Variants in IL10 observed in about 807,000 individuals in gnomAD.
IL10 encodes the protein interleukin-10.
A neutral mutation model predicts 21.0 loss-of-function variants in IL10; 7 were observed. The ratio of observed to expected loss-of-function variants is 0.33; its 90% CI spans 0.19 to 0.63. IL10 has a LOEUF of 0.63. Ranked by LOEUF, IL10 falls within the 20% of genes least tolerant of loss-of-function variation. The probability of loss-of-function intolerance (pLI) is 0.77; values close to 1 mark genes in which losing one functional copy is unlikely to be tolerated. For missense variants in IL10, 161 were observed against 213.0 expected (o/e 0.76, Z 1.52); for synonymous variants, 83 against 79.7 (o/e 1.04, Z -0.22).
In IL10 at chr1:206,767,674, C is replaced by G. The variant is rs1210063910; in HGVS notation, c.*962G>C. On this transcript the variant is annotated 3_prime_UTR_variant, in exon 5 of 5. Coordinates refer to ENST00000423557, the MANE Select transcript of IL10 (RefSeq NM_000572.3). ...GAAGACAGACAAACAATGTAACATTCCCAGAGGAATTGAATAAATTCTAGT... is the reference window on the plus strand; with the variant it reads ...GAAGACAGACAAACAATGTAACATTGCCAGAGGAATTGAATAAATTCTAGT... The G allele has an allele frequency of 6.6e-6, 1 of 152,260 alleles. No individual in the cohort carries two copies. Among genetic ancestry groups the G allele is most frequent in the African/African-American group, 2.4e-5 (1 of 41,412 alleles). The allele number at this position is 152,260 out of a possible 1,614,324, so 9.4% of individuals were successfully genotyped here. A position where few individuals can be genotyped will look rare whatever the true frequency, so the allele number is the denominator to read the frequency against.
At position 206,767,619 on chromosome 1, in the gene IL10, A is replaced by G. The variant is rs1458423107; in HGVS notation, c.*1017T>C. 1 of 152,370 alleles carries G rather than the reference A, an allele frequency of 6.6e-6. No homozygotes were observed. Among genetic ancestry groups the G allele is most frequent in the Non-Finnish European group, 1.5e-5 (1 of 68,032 alleles). 9.4% of individuals were successfully genotyped at this position (152,370 alleles called of 1,614,324 possible). ...CCAGAACATGATGTGAATAAGATAC[A>G]TTTATTTATTCAAAATTAAAATCTG... On this transcript the variant is annotated 3_prime_UTR_variant, in exon 5 of 5. Transcript: ENST00000423557.
At chr1:206,771,500 A>AT (rs796741475) in intron 1 of IL10, 85 bp from the exon 2 acceptor site, 3,521 of 949,636 alleles carry the variant, frequency 3.7e-3, no homozygotes, top group Non-Finnish European at 4.4e-3. Context: ...TCATTTAGAG[A>AT]TTTTTTTTTT....
chr1:206,769,934 C>T lies in IL10; in HGVS notation c.379-40G>A, dbSNP rs1572538420. 6 of 1,545,468 alleles carry T rather than the reference C, an allele frequency of 3.9e-6. No homozygotes were observed. In the East Asian group the frequency reaches 1.3e-4, roughly 35 times the overall value. On this transcript the variant is annotated intron_variant, in intron 3 of 4. Transcript: ENST00000423557. ...AGAAAGTGTTGGTGATCCTGGCTTC[C>T]AGCTCCATGTCCATCACACTTAGGG...
chr1:206,769,360 C>A (rs2102437458), intron 4 of IL10, among the ~76,000 whole-genome samples: 1 of 152,380 alleles, frequency 6.6e-6, no homozygotes, highest in South Asian at 2.1e-4. Context: ...CGGGCTTGAA[C>A]CAACTCCAGG....
chr1:206,770,401 G>A (rs1674789401), intron 3 of IL10: 2 of 268,408 alleles, frequency 7.5e-6, no homozygotes, highest in Non-Finnish European at 1.5e-5. Flanking sequence ...TAAATTACCT[G>A]GAGGAATTAC....
chr1:206,770,737 G>A (rs1359037064), intron 3 of IL10, among the ~76,000 whole-genome samples, 170 bp downstream of exon 3: 1 of 152,162 alleles, frequency 6.6e-6, no homozygotes, highest in Non-Finnish European at 1.5e-5. Context: ...CCCAACGCCT[G>A]CTCAAAGAGA....
chr1:206,768,489 T>C lies in IL10; in HGVS notation c.*147A>G, dbSNP rs960782457. On this transcript the variant is annotated 3_prime_UTR_variant, in exon 5 of 5. Transcript: ENST00000423557. ...CTCAGTAAATAAATAGAAATGGGGG[T>C]TGAGGTATCAGAGGTAATAAATATT... 13 of 640,328 alleles carry C rather than the reference T, an allele frequency of 2.0e-5. No individual in the cohort carries two copies. The African/African-American group carries it at 2.4e-4, about 12-fold the overall frequency. 39.7% of individuals were successfully genotyped at this position (640,328 alleles called of 1,614,324 possible).
intron 3 of IL10, 87 bp from the exon 4 acceptor site, chr1:206,769,981 G>A: frequency 9.4e-7 from 1 of 1,060,668 alleles, no homozygotes; most frequent in Non-Finnish European, 1.5e-6. Flanking sequence ...GGCATCATGA[G>A]GAGGCCAGAT....
At chr1:206,771,731 C>T (rs917417176) in intron 1 of IL10, among the ~76,000 whole-genome samples, 14 of 152,322 alleles carry the variant, frequency 9.2e-5, no homozygotes, top group Middle Eastern at 3.4e-3. Flanking sequence ...GTCAACCCTT[C>T]GGGGCCTTGA....
Position 206,772,261 on chromosome 1 carries a change from T to A in IL10, c.165+10A>T. The stretch of plus-strand genomic sequence containing the variant: ...GGAAGAGAGAAAGGACAGGAAGGAA[T>A]CATACTCACAAAGAAAGTCTTCACT... On this transcript the variant is annotated intron_variant, in intron 1 of 4. Transcript: ENST00000423557. 4 of 1,612,352 alleles carry A rather than the reference T, an allele frequency of 2.5e-6. No homozygotes were observed. The highest frequency in any genetic ancestry group is 1.7e-6 in the Non-Finnish European group (2 of 1,178,492).
chr1:206,772,183 G>C lies in IL10; in HGVS notation c.165+88C>G. On this transcript the variant is annotated intron_variant, in intron 1 of 4. Transcript: ENST00000423557. ...AGGTGTTGGGGATGGAGGTGGAGGC[G>C]CAGGAGGAGGGTTCTTATAGTTCCA... 3 of 1,157,684 alleles carry C rather than the reference G, an allele frequency of 2.6e-6. No homozygotes were observed. In the South Asian group the frequency reaches 3.7e-5, roughly 14 times the overall value. The allele number at this position is 1,157,684 out of a possible 1,614,324, so 71.7% of individuals were successfully genotyped here. A position where few individuals can be genotyped will look rare whatever the true frequency, so the allele number is the denominator to read the frequency against.
intron 3 of IL10, among the ~76,000 whole-genome samples, chr1:206,770,203 C>G (rs1385681377): frequency 6.6e-6 from 1 of 152,200 alleles, no homozygotes; most frequent in Non-Finnish European, 1.5e-5. Context: ...TTTTCTGCCT[C>G]TCTCTCCTGT....
intron 4 of IL10, 134 bp from the exon 5 acceptor site, chr1:206,768,862 C>A: frequency 1.4e-6 from 1 of 700,898 alleles, no homozygotes. Context: ...GGGAAGTAAA[C>A]CAGAGGATAG....
rs1165671035 is a variant in IL10, at chr1:206,768,290, G to A, written c.*346C>T. ...GGTCAGGCTTGGAATGGAAGCTTCT[G>A]TTGGCTCCCCAAAGAACATTTTTTT... On this transcript the variant is annotated 3_prime_UTR_variant, in exon 5 of 5. Coordinates refer to ENST00000423557, the MANE Select transcript of IL10 (RefSeq NM_000572.3). The A allele has an allele frequency of 3.2e-6, 1 of 316,734 alleles. No homozygotes were observed. Among genetic ancestry groups the A allele is most frequent in the African/African-American group, 2.2e-5 (1 of 46,242 alleles). 19.6% of individuals were successfully genotyped at this position (316,734 alleles called of 1,614,324 possible).
At position 206,769,842 on chromosome 1, in the gene IL10, T is replaced by C. The variant is rs1233721267; in HGVS notation, c.431A>G (p.Asn144Ser). 6.2e-7 allele frequency: 1 copy of C among 1,613,834 alleles called. No individual in the cohort carries two copies. Among genetic ancestry groups the C allele is most frequent in the East Asian group, 2.2e-5 (1 of 44,886 alleles). ...NKSKAVEQVK[N>S]AFNKLQEKGI... is the part of the protein sequence containing the mutation. ...ATCCAAGCTCACCTTATTAAAGGCA[T>C]TCTTCACCTGCTCCACGGCCTTGCT... The change falls in exon 4 of 5, where the codon AAT becomes AGT. Residue 144 changes from asparagine (N) to serine (S), a missense_variant. By Grantham distance (46) the Asn-to-Ser change is conservative. Transcript: ENST00000423557.
In IL10 at chr1:206,768,568, G is replaced by T. The variant is rs1424949706; in HGVS notation, c.*68C>A. The T allele has an allele frequency of 2.3e-6, 2 of 872,592 alleles. No homozygotes were observed. The highest frequency in any genetic ancestry group is 3.9e-6 in the Non-Finnish European group (2 of 511,292). 54.1% of individuals were successfully genotyped at this position (872,592 alleles called of 1,614,324 possible). On this transcript the variant is annotated 3_prime_UTR_variant, in exon 5 of 5. Coordinates refer to ENST00000423557, the MANE Select transcript of IL10 (RefSeq NM_000572.3). ...AAGGGGCTGGGTCAGCTATCCCAGA[G>T]CCCCAGATCCGATTTTGGAGACCTC...
Position 206,768,251 on chromosome 1 carries a change from C to G in IL10, c.*385G>C, listed in dbSNP as rs964578673. 3.2e-5 allele frequency: 9 copies of G among 280,270 alleles called. No homozygotes were observed. The highest frequency in any genetic ancestry group is 1.8e-4 in the African/African-American group (8 of 45,404). The allele number at this position is 280,270 out of a possible 1,614,324, so 17.4% of individuals were successfully genotyped here. ...AGGGAGGTCAGGGAAAACAGCTCAA[C>G]AGCTAGAAAGCGTGGTCAGGCTTGG... On this transcript the variant is annotated 3_prime_UTR_variant, in exon 5 of 5. Transcript: ENST00000423557.
rs184443461 is a variant in IL10, at chr1:206,768,605, C to T, written c.*31G>A. The T allele has an allele frequency of 2.3e-6, 3 of 1,289,376 alleles. No homozygotes were observed. The highest frequency in any genetic ancestry group is 1.7e-5 in the Admixed American group (1 of 59,358). 79.9% of individuals were successfully genotyped at this position (1,289,376 alleles called of 1,614,324 possible). A position where few individuals can be genotyped will look rare whatever the true frequency, so the allele number is the denominator to read the frequency against. ...ATTTTGGAGACCTCTAATTTATGTC[C>T]TAGAGTCTATAGAGTCGCCACCCTG... On this transcript the variant is annotated 3_prime_UTR_variant, in exon 5 of 5. Coordinates refer to ENST00000423557, the MANE Select transcript of IL10 (RefSeq NM_000572.3).
Position 206,768,716 on chromosome 1 carries a change from CT to C in IL10, c.456del (p.Gly153AlafsTer6). The C allele has an allele frequency of 6.2e-7, 1 of 1,603,574 alleles. No homozygotes were observed. Among genetic ancestry groups the C allele is most frequent in the Non-Finnish European group, 8.5e-7 (1 of 1,170,490 alleles). ...VKNAFNKLQE[K>X]GIYKAMSEFD... The stretch of plus-strand genomic sequence containing the variant: ...AACTCACTCATGGCTTTGTAGATGC[CT>C]TTCTCTTGGAGCTGTGCAGAGAGAT... On this transcript the variant is annotated frameshift_variant, in exon 5 of 5. Transcript: ENST00000423557. LOFTEE classifies it high-confidence loss of function.
Sources: gnomAD v4.1 joint callset for allele counts (sites outside exome capture counted in the v4.1 genomes callset) on GRCh38, gnomAD v4.1.1 for gene constraint, MANE v1.5 for transcripts, NCBI Gene and HGNC (gene_info 2026-07-23, HGNC 2026-07-21) for gene names.